The following ACCSL variants were observed in gnomAD, a reference collection of about 807,000 sequenced individuals.
The protein encoded by ACCSL is probable inactive 1-aminocyclopropane-1-carboxylate synthase-like protein 2.
ACCSL carries 55 observed loss-of-function variants against 61.7 expected under a neutral mutation model. The ratio of observed to expected loss-of-function variants is 0.89; its 90% CI spans 0.72 to 1.12. ACCSL has a LOEUF of 1.12. Ranked by LOEUF, ACCSL falls within the 50% of genes most tolerant of loss-of-function variation. The pLI is 0.00. For missense variants in ACCSL, 632 were observed against 698.0 expected, an observed-to-expected ratio of 0.91 and a Z score of 1.07; for synonymous variants, 258 against 264.3, an observed-to-expected ratio of 0.98 and a Z score of 0.23.
the ACCSL span, among the ~76,000 whole-genome samples, chr11:43,993,341 C>G: frequency 6.6e-6 from 1 of 152,126 alleles, no homozygotes; most frequent in Non-Finnish European, 1.5e-5. Context: ...TGAGAGCTCT[C>G]TCAGGGTTCT....
chr11:43,985,807 C>T, the ACCSL span, among the ~76,000 whole-genome samples: 12 of 152,248 alleles, frequency 7.9e-5, no homozygotes, highest in Non-Finnish European at 1.3e-4. Flanking sequence ...GTACTTTGGG[C>T]CGGCGGATCA....
the ACCSL span, chr11:43,944,183 C>G: frequency 2.6e-5 from 8 of 312,710 alleles, no homozygotes; most frequent in Non-Finnish European, 4.3e-5. Flanking sequence ...ATGGAGAGCT[C>G]TCTCCTCCGT....
At chr11:44,015,026 T>G in the ACCSL span, among the ~76,000 whole-genome samples, 3 of 152,196 alleles carry the variant, frequency 2.0e-5, no homozygotes, top group Non-Finnish European at 4.4e-5. Flanking sequence ...CCAATGGCAC[T>G]GTCAATCAGC....
chr11:43,992,997 G>A, the ACCSL span, among the ~76,000 whole-genome samples: 1 of 152,194 alleles, frequency 6.6e-6, no homozygotes, highest in Non-Finnish European at 1.5e-5. Flanking sequence ...TGAGAACGTG[G>A]AGGAGGCACA....
intron 13 of ACCSL, among the ~76,000 whole-genome samples, chr11:44,059,412 C>A (rs911034693): frequency 2.0e-5 from 3 of 152,188 alleles, no homozygotes; most frequent in Admixed American, 2.0e-4. Flanking sequence ...TTCATGTGAA[C>A]ATTTATTTAT....
chr11:44,010,498 T>C, the ACCSL span, among the ~76,000 whole-genome samples: 1 of 152,208 alleles, frequency 6.6e-6, no homozygotes, highest in South Asian at 2.1e-4. Context: ...GGGACTTATA[T>C]GACTGGCAAA....
rs1952670224 is a variant in ACCSL, at chr11:44,056,166, C to T, written c.1186-19C>T. 2.5e-6 allele frequency: 4 copies of T among 1,614,028 alleles called. No individual in the cohort carries two copies. Among genetic ancestry groups the T allele is most frequent in the East Asian group, 2.2e-5 (1 of 44,896 alleles). ...GGCAGACAAAACACTTGTTCCTGTTCCTGCTTTTCTTCCTCTAGGATTTTG... is the reference window on the plus strand; with the variant it reads ...GGCAGACAAAACACTTGTTCCTGTTTCTGCTTTTCTTCCTCTAGGATTTTG... On this transcript the variant is annotated intron_variant, in intron 10 of 13. Coordinates refer to ENST00000378832, the MANE Select transcript of ACCSL (RefSeq NM_001031854.2).
the ACCSL span, among the ~76,000 whole-genome samples, chr11:43,965,408 C>T: frequency 2.6e-5 from 4 of 152,088 alleles, no homozygotes; most frequent in Non-Finnish European, 5.9e-5. Flanking sequence ...GGTTGTAAGA[C>T]TTGTACACCG....
the ACCSL span, among the ~76,000 whole-genome samples, chr11:44,030,084 T>TTTTTTTTTTTTTTTTTA: frequency 7.6e-6 from 1 of 131,648 alleles, no homozygotes; most frequent in Non-Finnish European, 1.6e-5. Flanking sequence ...TTTTTTTTTT[T>TTTTTTTTTTTTTTTTTA]AGTATAAAGG....
chr11:43,927,000 G>A, the ACCSL span, among the ~76,000 whole-genome samples: 14 of 152,188 alleles, frequency 9.2e-5, no homozygotes, highest in African/African-American at 3.4e-4. Flanking sequence ...GCCCCCCATC[G>A]GCCTCCCAGA....
At chr11:43,961,243 C>T in the ACCSL span, among the ~76,000 whole-genome samples, 1 of 152,148 alleles carries the variant, frequency 6.6e-6, no homozygotes. Context: ...TTCATGGCCA[C>T]ATGAAGATAT....
intron 11 of ACCSL, 115 bp downstream of exon 11, chr11:44,056,441 C>A: frequency 1.5e-6 from 2 of 1,347,964 alleles, no homozygotes; most frequent in Non-Finnish European, 1.0e-6. Context: ...TATTTCCTGT[C>A]TCAGATTTAA....
chr11:43,942,335 G>C, the ACCSL span: 1 of 197,150 alleles, frequency 5.1e-6, no homozygotes, highest in Non-Finnish European at 1.1e-5. Context: ...TCCCAGAAGG[G>C]ACAGTGCCCG....
In ACCSL at chr11:44,058,331, G is replaced by A. The variant is rs1428365709; in HGVS notation, c.1342G>A (p.Val448Ile). ...TACCCATCCAGAATGGATTGACAAA[G>A]TATACCTACCCACCAATTGCTACCG... ...LLQNTEWIDK[V>I]YLPTNCYRLR... The change falls in exon 12 of 14, where the codon GTA (valine) becomes ATA (isoleucine). Residue 448 changes from valine (V) to isoleucine (I), a missense_variant. By Grantham distance (29) the Val-to-Ile change is conservative. Coordinates refer to ENST00000378832, the MANE Select transcript of ACCSL (RefSeq NM_001031854.2). 8.7e-6 allele frequency: 14 copies of A among 1,614,194 alleles called. No homozygotes were observed. Among genetic ancestry groups the A allele is most frequent in the Non-Finnish European group, 1.0e-5 (12 of 1,180,050 alleles).
chr11:44,032,774 G>A, the ACCSL span, among the ~76,000 whole-genome samples: 1 of 152,240 alleles, frequency 6.6e-6, no homozygotes, highest in Non-Finnish European at 1.5e-5. Context: ...CAGTAGGTCA[G>A]AATGGGCCTT....
intron 2 of ACCSL, 132 bp from the exon 3 acceptor site, chr11:44,050,420 C>G (rs1230351618): frequency 8.0e-6 from 6 of 751,878 alleles, no homozygotes; most frequent in African/African-American, 3.5e-5. Flanking sequence ...AAGGAGCATG[C>G]AGTGTATATA....
chr11:44,032,382 C>T, the ACCSL span, among the ~76,000 whole-genome samples: 6 of 152,200 alleles, frequency 3.9e-5, no homozygotes, highest in South Asian at 2.1e-4. Flanking sequence ...GACTGAAGCA[C>T]GTCACATGGC....
At chr11:44,037,471 C>T in the ACCSL span, among the ~76,000 whole-genome samples, 1 of 152,260 alleles carries the variant, frequency 6.6e-6, no homozygotes, top group African/African-American at 2.4e-5. Flanking sequence ...CTCTTCTATA[C>T]TCCTCTCACC....
At chr11:44,040,673 C>T in the ACCSL span, among the ~76,000 whole-genome samples, 6 of 152,122 alleles carry the variant, frequency 3.9e-5, no homozygotes, top group African/African-American at 1.4e-4. Context: ...AGAGTGAAAA[C>T]AGATACAGAG....
Sources: gnomAD v4.1 joint callset for allele counts (sites outside exome capture counted in the v4.1 genomes callset) on GRCh38, gnomAD v4.1.1 for gene constraint, MANE v1.5 for transcripts, NCBI Gene and HGNC (gene_info 2026-07-23, HGNC 2026-07-21) for gene names.